Variants in KLF12 observed in about 807,000 individuals in gnomAD.
KLF12 encodes Krueppel-like factor 12.
A neutral mutation model predicts 37.8 loss-of-function variants in KLF12; 9 were observed. The observed-to-expected ratio is 0.24, with a 90% CI of 0.14 to 0.42. KLF12 has a LOEUF of 0.42. Ranked by LOEUF, KLF12 falls within the 10% of genes least tolerant of loss-of-function variation. The pLI is 1.00. For missense variants in KLF12, 411 were observed against 516.0 expected (o/e 0.80, Z 1.97); for synonymous variants, 208 against 202.1 (o/e 1.03, Z -0.25).
chr13:73,773,315 C>A (rs1264782352), intron 5 of KLF12, among the ~76,000 whole-genome samples: 2 of 152,146 alleles, frequency 1.3e-5, no homozygotes, highest in African/African-American at 2.4e-5. Flanking sequence ...CCAGGGATCT[C>A]ACTGGATGGA....
At chr13:73,899,301 T>C (rs77535039) in intron 3 of KLF12, among the ~76,000 whole-genome samples, 4,386 of 152,228 alleles carry the variant, frequency 0.029, 210 homozygotes, top group African/African-American at 0.099. Context: ...ATGAAGTGTA[T>C]CTCATTGCTG....
At chr13:74,281,513 A>G in the KLF12 span, among the ~76,000 whole-genome samples, 1 of 152,224 alleles carries the variant, frequency 6.6e-6, no homozygotes, top group South Asian at 2.1e-4. Flanking sequence ...GTACTAGGGT[A>G]TATATTTTAT....
At chr13:74,126,137 T>C (rs1021416024) in intron 1 of KLF12, among the ~76,000 whole-genome samples, 12 of 152,216 alleles carry the variant, frequency 7.9e-5, no homozygotes, top group African/African-American at 2.9e-4. Flanking sequence ...ATACTATACA[T>C]GACATATAAG....
chr13:74,064,105 C>T (rs1245099292), intron 1 of KLF12, among the ~76,000 whole-genome samples: 1 of 152,126 alleles, frequency 6.6e-6, no homozygotes, highest in East Asian at 1.9e-4. Flanking sequence ...CACAAACATT[C>T]TATTCCCAGC....
At chr13:74,203,301 C>T in the KLF12 span, among the ~76,000 whole-genome samples, 368 of 152,050 alleles carry the variant, frequency 2.4e-3, 1 homozygote, top group Middle Eastern at 0.014. Flanking sequence ...TGCTTGAAAA[C>T]CTCTGCTTTC....
At chr13:73,778,802 A>T (rs937773842) in intron 5 of KLF12, among the ~76,000 whole-genome samples, 1 of 152,144 alleles carries the variant, frequency 6.6e-6, no homozygotes, top group Admixed American at 6.6e-5. Context: ...GTTGAAACTC[A>T]AGTCCAGGCC....
At chr13:74,148,416 T>C in the KLF12 span, among the ~76,000 whole-genome samples, 1 of 144,848 alleles carries the variant, frequency 6.9e-6, no homozygotes, top group African/African-American at 2.5e-5. Context: ...TTTTTTTTTT[T>C]TTTTTTTTTT....
intron 2 of KLF12, among the ~76,000 whole-genome samples, chr13:73,989,247 C>A (rs1470126005): frequency 6.6e-6 from 1 of 152,214 alleles, no homozygotes; most frequent in Non-Finnish European, 1.5e-5. Flanking sequence ...AATCAAAGCA[C>A]ATCTGTCAAA....
the KLF12 span, among the ~76,000 whole-genome samples, chr13:74,295,016 A>G: frequency 2.1e-4 from 32 of 152,280 alleles, no homozygotes; most frequent in African/African-American, 7.5e-4. Flanking sequence ...CCCTGACAAA[A>G]TTGGGCTGGA....
chr13:73,953,425 A>G (rs948435411), intron 2 of KLF12, among the ~76,000 whole-genome samples: 2 of 152,334 alleles, frequency 1.3e-5, no homozygotes, highest in Admixed American at 1.3e-4. Context: ...AAAAAACAAA[A>G]TACAAATTGC....
chr13:73,747,615 T>G (rs1307675322), intron 6 of KLF12, among the ~76,000 whole-genome samples: 1 of 152,198 alleles, frequency 6.6e-6, no homozygotes, highest in Middle Eastern at 3.2e-3. Flanking sequence ...GTAATAATAG[T>G]CAACACTTAT....
At chr13:73,938,096 G>A (rs1303029132) in intron 3 of KLF12, among the ~76,000 whole-genome samples, 2 of 152,124 alleles carry the variant, frequency 1.3e-5, no homozygotes, top group African/African-American at 4.8e-5. Flanking sequence ...TTAGTCAAAC[G>A]CTGGCCCCTG....
chr13:74,163,561 T>C, the KLF12 span, among the ~76,000 whole-genome samples: 1 of 152,018 alleles, frequency 6.6e-6, no homozygotes, highest in Non-Finnish European at 1.5e-5. Flanking sequence ...AGAAAGATAG[T>C]TAACAGAGAC....
At chr13:73,792,897 T>C (rs1394552556) in intron 5 of KLF12, among the ~76,000 whole-genome samples, 1 of 152,234 alleles carries the variant, frequency 6.6e-6, no homozygotes, top group Non-Finnish European at 1.5e-5. Context: ...ATGCAAAACA[T>C]TCACTTATTA....
chr13:73,865,031 C>T (rs1214829129), intron 3 of KLF12, among the ~76,000 whole-genome samples: 1 of 151,806 alleles, frequency 6.6e-6, no homozygotes, highest in African/African-American at 2.4e-5. Flanking sequence ...ATAATAAAAA[C>T]AACAAATAAA....
chr13:73,904,901 C>G (rs1888203937), intron 3 of KLF12, among the ~76,000 whole-genome samples: 3 of 148,952 alleles, frequency 2.0e-5, no homozygotes, highest in African/African-American at 5.0e-5. Context: ...CCAGGCTTGT[C>G]AGACTAAAAA....
chr13:73,841,809 G>C (rs965864803), intron 4 of KLF12, among the ~76,000 whole-genome samples: 1 of 152,040 alleles, frequency 6.6e-6, no homozygotes, highest in Non-Finnish European at 1.5e-5. Flanking sequence ...CCACCACTGT[G>C]GGGGGGCTAA....
chr13:74,304,130 A>T, the KLF12 span, among the ~76,000 whole-genome samples: 1 of 152,138 alleles, frequency 6.6e-6, no homozygotes, highest in Non-Finnish European at 1.5e-5. Flanking sequence ...AAGCCTAGTG[A>T]GTACACTGGC....
At chr13:74,003,899 G>C (rs1892346208) in intron 1 of KLF12, among the ~76,000 whole-genome samples, 1 of 152,048 alleles carries the variant, frequency 6.6e-6, no homozygotes, top group Non-Finnish European at 1.5e-5. Context: ...ATTTTCAAAA[G>C]TAATCCCAAA....
Sources: gnomAD v4.1 joint callset for allele counts (sites outside exome capture counted in the v4.1 genomes callset) on GRCh38, gnomAD v4.1.1 for gene constraint, MANE v1.5 for transcripts, NCBI Gene and HGNC (gene_info 2026-07-23, HGNC 2026-07-21) for gene names.